The following DYM variants were observed in gnomAD, a reference collection of about 807,000 sequenced individuals.
DYM encodes dyggve-Melchior-Clausen syndrome protein.
DYM carries 78 observed loss-of-function variants against 93.1 expected under a neutral mutation model. The observed-to-expected ratio is 0.84, with a 90% CI of 0.70 to 1.01. The LOEUF is 1.01. DYM is among the 50% of genes least tolerant of loss of function. The pLI is 0.00. For missense variants in DYM, 789 were observed against 845.0 expected (o/e 0.93, Z 0.82); for synonymous variants, 321 against 319.7 (o/e 1.00, Z -0.04).
chr18:49,090,378 G>A (rs1599672394), intron 17 of DYM, among the ~76,000 whole-genome samples: 1 of 152,052 alleles, frequency 6.6e-6, no homozygotes, highest in Non-Finnish European at 1.5e-5. Context: ...CCAGCAAAAA[G>A]GTAACAATAT....
intron 6 of DYM, among the ~76,000 whole-genome samples, chr18:49,352,485 T>C (rs2065194364): frequency 6.6e-6 from 1 of 152,168 alleles, no homozygotes; most frequent in South Asian, 2.1e-4. Flanking sequence ...GGAAAGTAGA[T>C]CACGCTGTAC....
At chr18:49,248,342 C>A (rs1303811465) in intron 13 of DYM, among the ~76,000 whole-genome samples, 2 of 152,024 alleles carry the variant, frequency 1.3e-5, no homozygotes, top group Non-Finnish European at 2.9e-5. Context: ...GAGATGTTAT[C>A]CAGATTTATT....
chr18:49,448,720 CT>C (rs1169008662), intron 1 of DYM, among the ~76,000 whole-genome samples: 1 of 152,200 alleles, frequency 6.6e-6, no homozygotes, highest in East Asian at 1.9e-4. Flanking sequence ...AAAGGGCCAC[CT>C]TTTTCTCTAA....
chr18:49,342,426 TACTC>T (rs1319244672), intron 6 of DYM, among the ~76,000 whole-genome samples: 1 of 152,208 alleles, frequency 6.6e-6, no homozygotes, highest in Admixed American at 6.5e-5. Flanking sequence ...TAAGTTATGT[TACTC>T]ACAGGTTCCA....
intron 14 of DYM, among the ~76,000 whole-genome samples, chr18:49,196,201 C>T (rs998118579): frequency 1.3e-5 from 2 of 152,264 alleles, no homozygotes; most frequent in East Asian, 3.9e-4. Flanking sequence ...GCTGGGATTA[C>T]AGGTGTGAGC....
intron 5 of DYM, among the ~76,000 whole-genome samples, chr18:49,367,244 G>T (rs922442385): frequency 6.6e-6 from 1 of 152,118 alleles, no homozygotes; most frequent in Non-Finnish European, 1.5e-5. Context: ...ATTATCATCC[G>T]TATTGTGCAG....
At chr18:49,420,164 CG>C (rs567942758) in intron 2 of DYM, among the ~76,000 whole-genome samples, 13 of 113,212 alleles carry the variant, frequency 1.1e-4, no homozygotes, top group Admixed American at 2.1e-4. Context: ...AGTTAAAATT[CG>C]TTTTTTTTTT....
At chr18:49,235,726 T>C (rs965972838) in intron 13 of DYM, among the ~76,000 whole-genome samples, 7 of 149,716 alleles carry the variant, frequency 4.7e-5, no homozygotes, top group African/African-American at 1.7e-4. Context: ...AATGATATGG[T>C]AGGAAATAAA....
At chr18:49,323,910 G>A (rs1158406608) in intron 8 of DYM, among the ~76,000 whole-genome samples, 1 of 152,072 alleles carries the variant, frequency 6.6e-6, no homozygotes, top group African/African-American at 2.4e-5. Flanking sequence ...CTCCAAGGCG[G>A]GCAGATCACT....
In DYM at chr18:49,139,917, A is replaced by G. The variant is rs550274605; in HGVS notation, c.1729-20991T>C. 2.6e-5 allele frequency among the ~76,000 whole-genome samples: 4 copies of G among 152,006 alleles called. No individual in the cohort carries two copies. The South Asian group carries it at 8.3e-4, about 32-fold the overall frequency. ...GCTTCTCTTCTTTTCTTTCTTTTTA[A>G]GAGTGTGGCATTCCCAATAGGCACA... On this transcript the variant is annotated intron_variant, in intron 15 of 17. Coordinates refer to ENST00000675505, the MANE Select transcript of DYM (RefSeq NM_001353214.3).
intron 15 of DYM, among the ~76,000 whole-genome samples, chr18:49,142,234 A>G (rs2084594341): frequency 6.6e-6 from 1 of 152,086 alleles, no homozygotes; most frequent in South Asian, 2.1e-4. Context: ...CATCTACTAT[A>G]TCTACTCTAT....
chr18:49,427,925 A>G (rs933631068), intron 2 of DYM, among the ~76,000 whole-genome samples: 12 of 152,062 alleles, frequency 7.9e-5, no homozygotes, highest in Admixed American at 7.9e-4. Context: ...TTATGTCTAC[A>G]AAAGATTTTT....
At chr18:49,113,144 G>T (rs150256663) in intron 16 of DYM, among the ~76,000 whole-genome samples, 194 of 152,302 alleles carry the variant, frequency 1.3e-3, no homozygotes, top group African/African-American at 4.3e-3. Flanking sequence ...GGACTGTCAA[G>T]TCAGTAGCCT....
intron 13 of DYM, among the ~76,000 whole-genome samples, chr18:49,219,489 T>C (rs1026521127): frequency 2.0e-5 from 3 of 152,030 alleles, no homozygotes; most frequent in East Asian, 1.9e-4. Flanking sequence ...TTGATGAACA[T>C]TGATGCAAAA....
At chr18:49,098,295 T>G (rs1454367788) in intron 16 of DYM, among the ~76,000 whole-genome samples, 2 of 152,200 alleles carry the variant, frequency 1.3e-5, no homozygotes, top group East Asian at 3.8e-4. Flanking sequence ...TTTTGTAAAG[T>G]TGAGCATTAC....
chr18:49,315,410 T>C (rs879471057), intron 8 of DYM, among the ~76,000 whole-genome samples: 4 of 152,210 alleles, frequency 2.6e-5, no homozygotes, highest in Non-Finnish European at 5.9e-5. Flanking sequence ...TAAGAAAATG[T>C]AATATATTTC....
intron 14 of DYM, among the ~76,000 whole-genome samples, chr18:49,184,487 A>C (rs1304764886): frequency 6.6e-6 from 1 of 152,202 alleles, no homozygotes; most frequent in Non-Finnish European, 1.5e-5. Flanking sequence ...GAGATACTGC[A>C]GCAATACAGT....
chr18:49,294,850 T>C (rs1047795599), intron 8 of DYM, among the ~76,000 whole-genome samples: 1 of 152,058 alleles, frequency 6.6e-6, no homozygotes, highest in African/African-American at 2.4e-5. Context: ...AAGGGGCATA[T>C]CATATATTTT....
intron 14 of DYM, among the ~76,000 whole-genome samples, chr18:49,173,735 T>C (rs905132557): frequency 6.6e-6 from 1 of 152,148 alleles, no homozygotes; most frequent in African/African-American, 2.4e-5. Flanking sequence ...TTCTTGTAGA[T>C]TCATTAGGAC....
Sources: gnomAD v4.1 joint callset for allele counts (sites outside exome capture counted in the v4.1 genomes callset) on GRCh38, gnomAD v4.1.1 for gene constraint, MANE v1.5 for transcripts, NCBI Gene and HGNC (gene_info 2026-07-23, HGNC 2026-07-21) for gene names.